The following SORCS1 variants were observed in gnomAD, a reference collection of about 807,000 sequenced individuals.
The protein encoded by SORCS1 is sortilin related VPS10 domain containing receptor 1, also known as VPS10 domain-containing receptor SorCS1.
Under a neutral mutation model 146.1 loss-of-function variants are expected in SORCS1, and 60 were observed. The ratio of observed to expected loss-of-function variants is 0.41; its 90% CI spans 0.33 to 0.51. The LOEUF is 0.51. Ranked by LOEUF, SORCS1 falls within the 20% of genes least tolerant of loss-of-function variation. SORCS1 has a pLI of 0.21. For missense variants in SORCS1, 1,352 were observed against 1,487.6 expected (o/e 0.91, Z 1.50); for synonymous variants, 637 against 584.0 (o/e 1.09, Z -1.31).
chr10:106,973,080 C>T (rs1232552904), intron 1 of SORCS1, among the ~76,000 whole-genome samples: 1 of 152,078 alleles, frequency 6.6e-6, no homozygotes, highest in African/African-American at 2.4e-5. Flanking sequence ...CTTGCTCGAC[C>T]CTCAGCAGGT....
intron 1 of SORCS1, among the ~76,000 whole-genome samples, chr10:107,057,462 G>A (rs1463842600): frequency 3.3e-5 from 5 of 152,036 alleles, no homozygotes; most frequent in Admixed American, 6.5e-5. Context: ...CCTGGGGCTC[G>A]CTTTTCCCAA....
chr10:106,799,680 G>A lies in SORCS1; in HGVS notation c.727-22988C>T, dbSNP rs578118402. ...GAAACGCAGATCAAAACCACAATGA[G>A]TAACCGTCTCACACCAGTTAGAATG... On this transcript the variant is annotated intron_variant, in intron 3 of 25. Coordinates refer to ENST00000263054, the MANE Select transcript of SORCS1 (RefSeq NM_052918.5). 5.3e-5 allele frequency among the ~76,000 whole-genome samples: 8 copies of A among 152,272 alleles called. No homozygotes were observed. The South Asian group carries it at 1.7e-3, about 32-fold the overall frequency.
At chr10:107,099,342 A>C (rs180799367) in intron 1 of SORCS1, among the ~76,000 whole-genome samples, 9 of 152,308 alleles carry the variant, frequency 5.9e-5, no homozygotes, top group Non-Finnish European at 1.3e-4. Context: ...AAATACAAGA[A>C]GTCCACATGT....
At chr10:106,949,031 A>G (rs1246020137) in intron 2 of SORCS1, among the ~76,000 whole-genome samples, 1 of 152,170 alleles carries the variant, frequency 6.6e-6, no homozygotes, top group Non-Finnish European at 1.5e-5. Context: ...CAAATATGGA[A>G]TGGGAGTTAC....
intron 3 of SORCS1, among the ~76,000 whole-genome samples, chr10:106,802,606 C>T (rs1445524451): frequency 6.6e-6 from 1 of 152,024 alleles, no homozygotes; most frequent in Non-Finnish European, 1.5e-5. Context: ...TCAAGTGATT[C>T]TCCTGCCTCA....
chr10:106,888,570 C>A (rs992060362), intron 2 of SORCS1, among the ~76,000 whole-genome samples: 1 of 152,150 alleles, frequency 6.6e-6, no homozygotes, highest in Non-Finnish European at 1.5e-5. Flanking sequence ...ATCAATTAGC[C>A]TTGGTTACAT....
chr10:106,688,542 T>C (rs1853048529), intron 9 of SORCS1, among the ~76,000 whole-genome samples: 1 of 152,104 alleles, frequency 6.6e-6, no homozygotes, highest in African/African-American at 2.4e-5. Context: ...GTGATCCTTA[T>C]CATATGGGGG....
At position 106,608,203 on chromosome 10, in the gene SORCS1, C is replaced by T. The variant is rs538369907; in HGVS notation, c.3034-906G>A. Among the ~76,000 whole-genome samples, 18 of 152,352 alleles carry T rather than the reference C, an allele frequency of 1.2e-4. 1 individual carries two copies. The highest frequency in any genetic ancestry group is 4.3e-4 in the African/African-American group (18 of 41,578). On this transcript the variant is annotated intron_variant, in intron 22 of 25. Transcript: ENST00000263054. ...GGATTAAGGACATATTCAAGGCCTT[C>T]TGCAATATGGTCCCATGCTTCCTTT...
intron 9 of SORCS1, among the ~76,000 whole-genome samples, chr10:106,696,168 T>A (rs1227749316): frequency 6.6e-6 from 1 of 152,170 alleles, no homozygotes; most frequent in Non-Finnish European, 1.5e-5. Context: ...GCCATCCTCT[T>A]CAGTCACCCC....
At chr10:106,976,738 C>T (rs1286256458) in intron 1 of SORCS1, among the ~76,000 whole-genome samples, 1 of 152,162 alleles carries the variant, frequency 6.6e-6, no homozygotes, top group East Asian at 1.9e-4. Flanking sequence ...GTTCCCCTCC[C>T]TGTGTCTATG....
chr10:107,163,915 A>G (rs1969896920), intron 1 of SORCS1, 54 bp downstream of exon 1: 1 of 1,556,842 alleles, frequency 6.4e-7, no homozygotes, highest in Non-Finnish European at 8.7e-7. Flanking sequence ...CACACAGCCG[A>G]CTTTAACCCT....
chr10:106,940,179 C>T (rs1417420585), intron 2 of SORCS1, among the ~76,000 whole-genome samples: 2 of 152,210 alleles, frequency 1.3e-5, no homozygotes, highest in African/African-American at 4.8e-5. Flanking sequence ...CCCTCAAGTG[C>T]AATGACAATA....
At chr10:106,648,344 G>C (rs1050539752) in intron 18 of SORCS1, among the ~76,000 whole-genome samples, 1 of 152,054 alleles carries the variant, frequency 6.6e-6, no homozygotes, top group Non-Finnish European at 1.5e-5. Flanking sequence ...ACACATTTTG[G>C]ATACGTTGGA....
chr10:106,911,565 C>T (rs1432758037), intron 2 of SORCS1, among the ~76,000 whole-genome samples: 1 of 152,104 alleles, frequency 6.6e-6, no homozygotes, highest in African/African-American at 2.4e-5. Flanking sequence ...GCGTAGTCCC[C>T]ACAGGCGATG....
chr10:106,726,016 C>T (rs1317603663), intron 6 of SORCS1, among the ~76,000 whole-genome samples: 1 of 151,560 alleles, frequency 6.6e-6, no homozygotes, highest in East Asian at 1.9e-4. Flanking sequence ...AGACTGTAAC[C>T]TGATTTTGAT....
intron 1 of SORCS1, among the ~76,000 whole-genome samples, chr10:107,122,186 GTC>G (rs1185210944): frequency 6.6e-6 from 1 of 152,200 alleles, no homozygotes; most frequent in Non-Finnish European, 1.5e-5. Flanking sequence ...TCTTATTTCT[GTC>G]TCTCTGTTCT....
At chr10:106,822,795 T>TGTTTGTTTG (rs1564699935) in intron 3 of SORCS1, among the ~76,000 whole-genome samples, 98 of 148,826 alleles carry the variant, frequency 6.6e-4, no homozygotes, top group African/African-American at 2.4e-3. Flanking sequence ...TTTTTTTTTT[T>TGTTTGTTTG]TTTTTTTGAA....
chr10:106,592,324 C>T (rs949923018), intron 24 of SORCS1, among the ~76,000 whole-genome samples: 2 of 152,140 alleles, frequency 1.3e-5, no homozygotes, highest in Non-Finnish European at 2.9e-5. Context: ...CCAAATGGAA[C>T]GTGTTGGTGG....
intron 1 of SORCS1, among the ~76,000 whole-genome samples, chr10:106,957,531 C>T (rs1955022405): frequency 6.6e-6 from 1 of 152,122 alleles, no homozygotes; most frequent in Non-Finnish European, 1.5e-5. Flanking sequence ...TTGGTTTTAA[C>T]TTTCTTCTGA....
Sources: allele counts gnomAD v4.1 joint callset (sites outside exome capture counted in the v4.1 genomes callset), GRCh38; gene constraint gnomAD v4.1.1; transcripts MANE v1.5; gene names NCBI Gene and HGNC (gene_info 2026-07-23, HGNC 2026-07-21).